Variants in IRAG1 observed in about 807,000 individuals in gnomAD.
IRAG1 encodes the protein IP3R-associated cGMP kinase substrate.
Under a neutral mutation model 106.2 loss-of-function variants are expected in IRAG1, and 62 were observed. That is an observed-to-expected ratio of 0.58 (90% CI 0.48 to 0.72). The LOEUF (loss-of-function observed/expected upper bound fraction) is 0.72, where lower values mean the gene tolerates loss of function less well. IRAG1 is among the 30% of genes least tolerant of loss of function. The probability of loss-of-function intolerance (pLI) is 0.00; values close to 1 mark genes in which losing one functional copy is unlikely to be tolerated. For synonymous variants in IRAG1, 462 were observed against 443.9 expected (o/e 1.04, Z -0.51); for missense variants, 1,064 against 1,140.7 (o/e 0.93, Z 0.97).
chr11:10,628,300 C>T lies in IRAG1; in HGVS notation c.653-275G>A, dbSNP rs1240121605. Among the ~76,000 whole-genome samples the T allele has an allele frequency of 1.3e-5, 2 of 152,188 alleles. No homozygotes were observed. Among genetic ancestry groups the T allele is most frequent in the South Asian group, 2.1e-4 (1 of 4,820 alleles). Reference sequence around the variant, plus strand: ...CCAGGCTGCCTGGCCCCGACCTGAGCGTGCCCTGCCGCACTGATGAGGGCC... The same window carrying T: ...CCAGGCTGCCTGGCCCCGACCTGAGTGTGCCCTGCCGCACTGATGAGGGCC... On this transcript the variant is annotated intron_variant, in intron 6 of 20. Transcript: ENST00000423302. The surrounding 1 kb of genome is among the most constrained non-coding windows in gnomAD (Gnocchi z 4.1).
At chr11:10,586,835 T>C (rs541928799) in intron 18 of IRAG1, among the ~76,000 whole-genome samples, 47 of 152,322 alleles carry the variant, frequency 3.1e-4, no homozygotes, top group African/African-American at 1.1e-3. Flanking sequence ...GGACTGTGTT[T>C]GGGTCAGAAT....
intron 3 of IRAG1, among the ~76,000 whole-genome samples, chr11:10,633,357 G>A (rs1856890804): frequency 6.6e-6 from 1 of 152,162 alleles, no homozygotes; most frequent in African/African-American, 2.4e-5. Context: ...TTACAGGCAT[G>A]AGCCACTGCG....
chr11:10,643,299 G>C (rs945448949), intron 2 of IRAG1, among the ~76,000 whole-genome samples: 1 of 152,078 alleles, frequency 6.6e-6, no homozygotes, highest in Non-Finnish European at 1.5e-5. Context: ...GCTGGACATG[G>C]GGCTCCTCCC....
At chr11:10,660,188 A>G (rs1160718688) in intron 1 of IRAG1, among the ~76,000 whole-genome samples, 1 of 152,230 alleles carries the variant, frequency 6.6e-6, no homozygotes, top group Non-Finnish European at 1.5e-5. Context: ...ATAAGAGTCT[A>G]ATGTAATTTT....
rs569822827 is a variant in IRAG1, at chr11:10,618,410, G to A, written c.1447+5368C>T. Among the ~76,000 whole-genome samples the A allele has an allele frequency of 1.1e-4, 17 of 152,172 alleles. No homozygotes were observed. The South Asian group carries it at 3.5e-3, about 32-fold the overall frequency. On this transcript the variant is annotated intron_variant, in intron 10 of 20. Coordinates refer to ENST00000423302, the MANE Select transcript of IRAG1 (RefSeq NM_130385.4). ...AGTGAGCTTATTCGTTCATACATTT[G>A]TTTAATGTTTATTGAGTGTTTACTA...
At chr11:10,597,236 C>T (rs1853422799) in intron 15 of IRAG1, among the ~76,000 whole-genome samples, 1 of 152,166 alleles carries the variant, frequency 6.6e-6, no homozygotes, top group Non-Finnish European at 1.5e-5. Context: ...ATTTCTGTGA[C>T]TTTATTCCTC....
intron 1 of IRAG1, among the ~76,000 whole-genome samples, chr11:10,690,864 T>A (rs1409230913): frequency 6.6e-6 from 1 of 152,202 alleles, no homozygotes; most frequent in Admixed American, 6.5e-5. Context: ...TCCTTTTACA[T>A]TCACTACCTG....
chr11:10,609,255 C>T (rs1026284305), intron 11 of IRAG1, among the ~76,000 whole-genome samples: 3 of 152,180 alleles, frequency 2.0e-5, no homozygotes, highest in East Asian at 3.8e-4. Context: ...ACCAACTTTA[C>T]TCTTTCAAAT....
chr11:10,623,125 C>T (rs911967381), intron 10 of IRAG1, among the ~76,000 whole-genome samples: 6 of 152,118 alleles, frequency 3.9e-5, no homozygotes, highest in African/African-American at 2.4e-5. Context: ...AGTTCCAACT[C>T]GTGGTGGGGC....
chr11:10,586,643 C>T (rs1298628887), intron 18 of IRAG1, among the ~76,000 whole-genome samples: 1 of 152,128 alleles, frequency 6.6e-6, no homozygotes, highest in Non-Finnish European at 1.5e-5. Context: ...GTCTCGAACT[C>T]CTGGCCTCAA....
At chr11:10,580,803 A>G (rs1008817773) in intron 19 of IRAG1, among the ~76,000 whole-genome samples, 2 of 152,232 alleles carry the variant, frequency 1.3e-5, no homozygotes, top group African/African-American at 4.8e-5. Context: ...CTTCCTGTTT[A>G]TGTGAAAGTG....
intron 12 of IRAG1, 79 bp from the exon 13 acceptor site, chr11:10,604,624 G>T (rs896002406): frequency 1.9e-6 from 3 of 1,556,910 alleles, no homozygotes; most frequent in African/African-American, 1.4e-5. Context: ...CTCCTTGCAC[G>T]AGCGTTTTGC....
intron 1 of IRAG1, among the ~76,000 whole-genome samples, chr11:10,676,010 GTC>G (rs1159551588): frequency 6.6e-6 from 1 of 152,268 alleles, no homozygotes; most frequent in Non-Finnish European, 1.5e-5. Context: ...AATGGCCAGA[GTC>G]TGTAACCACT....
At chr11:10,621,739 G>A (rs1014877591) in intron 10 of IRAG1, among the ~76,000 whole-genome samples, 1 of 152,156 alleles carries the variant, frequency 6.6e-6, no homozygotes, top group Non-Finnish European at 1.5e-5. Context: ...TAACAAAATG[G>A]TTTATACTGT....
In IRAG1 at chr11:10,652,033, C is replaced by G; in HGVS notation, c.217G>C (p.Ala73Pro). ...AGGGAGGGGGCACTTACTTGGCCGG[C>G]AGGGCTCTGGGCTGCCTGTGGCTCT... The part of the protein sequence containing the change: ...PGEPQAAQSP[A>P]GQGPPAAGVS... Residue 73 changes from alanine to proline, a missense_variant, in exon 2 of 21, where the codon GCC becomes CCC. Physicochemically the swap from Ala to Pro is conservative, Grantham distance 27. Transcript: ENST00000423302. 6.4e-7 allele frequency: 1 copy of G among 1,573,692 alleles called. No homozygotes were observed. Among genetic ancestry groups the G allele is most frequent in the Non-Finnish European group, 8.6e-7 (1 of 1,160,878 alleles).
At chr11:10,675,353 G>A (rs895830527) in intron 1 of IRAG1, among the ~76,000 whole-genome samples, 2 of 152,172 alleles carry the variant, frequency 1.3e-5, no homozygotes, top group African/African-American at 2.4e-5. Context: ...TCTCCTGTGT[G>A]TCACGTGCAC....
Position 10,628,918 on chromosome 11 carries a change from G to A in IRAG1, c.575-90C>T, listed in dbSNP as rs1194213049. The A allele has an allele frequency of 3.1e-6, 4 of 1,276,996 alleles. No homozygotes were observed. The East Asian group carries it at 1.1e-4, about 35-fold the overall frequency. The allele number at this position is 1,276,996 out of a possible 1,614,324, so 79.1% of individuals were successfully genotyped here. On this transcript the variant is annotated intron_variant, in intron 5 of 20. Transcript: ENST00000423302. This position sits in a 1 kb window ranked among gnomAD's most constrained non-coding sequence, Gnocchi z 4.1. ...ATCCTTTTAGGTATTCCCAGGCCCTGGGAACTGGGTCTGCCTTGCTGGGCT... is the reference window on the plus strand; with the variant it reads ...ATCCTTTTAGGTATTCCCAGGCCCTAGGAACTGGGTCTGCCTTGCTGGGCT...
Position 10,624,879 on chromosome 11 carries a change from A to G in IRAG1, c.1369-1023T>C, listed in dbSNP as rs530729606. Among the ~76,000 whole-genome samples the G allele has an allele frequency of 5.3e-5, 8 of 151,934 alleles. No individual in the cohort carries two copies. The South Asian group carries it at 1.0e-3, about 20-fold the overall frequency. On this transcript the variant is annotated intron_variant, in intron 9 of 20. Transcript: ENST00000423302. The stretch of plus-strand genomic sequence containing the variant: ...AGGAGGCTCTGATAACCAGAGGCCC[A>G]TGAAGGCAAATCCCTGGCTATCGGC...
chr11:10,678,092 G>A (rs187651345), intron 1 of IRAG1, among the ~76,000 whole-genome samples: 210 of 152,094 alleles, frequency 1.4e-3, no homozygotes, highest in African/African-American at 4.8e-3. Context: ...ATAGACATTC[G>A]TGTTGTTTCC....
Sources: allele counts gnomAD v4.1 joint callset (sites outside exome capture counted in the v4.1 genomes callset), GRCh38; gene constraint gnomAD v4.1.1; non-coding constraint Gnocchi (gnomAD v3.1); transcripts MANE v1.5; gene names NCBI Gene and HGNC (gene_info 2026-07-23, HGNC 2026-07-21).